AQR: variants seen among roughly 807,000 people sequenced by gnomAD.
The protein encoded by AQR is aquarius intron-binding spliceosomal factor, also known as RNA helicase aquarius.
AQR carries 61 observed loss-of-function variants against 180.5 expected under a neutral mutation model. The ratio of observed to expected loss-of-function variants is 0.34; its 90% CI spans 0.28 to 0.42. The LOEUF (loss-of-function observed/expected upper bound fraction) is 0.42. Among genes scored for constraint, AQR ranks in the 10% least tolerant of loss-of-function variants. The pLI is 1.00. For synonymous variants in AQR, 551 were observed against 588.8 expected, an observed-to-expected ratio of 0.94 and a Z score of 0.93; for missense variants, 1,281 against 1,798.3, an observed-to-expected ratio of 0.71 and a Z score of 5.20.
chr15:34,949,492 C>A (rs1348500418), intron 4 of AQR, among the ~76,000 whole-genome samples: 4 of 151,118 alleles, frequency 2.6e-5, no homozygotes, highest in Non-Finnish European at 4.4e-5. Flanking sequence ...GCCTATAGTC[C>A]CAGCTACTCA....
intron 11 of AQR, 38 bp downstream of exon 11, chr15:34,932,280 G>T: frequency 6.5e-7 from 1 of 1,532,412 alleles, no homozygotes; most frequent in Non-Finnish European, 9.0e-7. Flanking sequence ...AATTTAGAAA[G>T]TAAAACAATA....
At chr15:34,916,466 CAACA>C (rs1199126752) in intron 15 of AQR, among the ~76,000 whole-genome samples, 9 of 151,642 alleles carry the variant, frequency 5.9e-5, no homozygotes, top group East Asian at 1.9e-4. Flanking sequence ...AACTTAAATA[CAACA>C]AACATTGATG....
chr15:34,875,110 A>C (rs1389972007), intron 28 of AQR, among the ~76,000 whole-genome samples: 2 of 152,102 alleles, frequency 1.3e-5, no homozygotes, highest in Non-Finnish European at 2.9e-5. Flanking sequence ...GCATGGAATT[A>C]CCCTACTTTA....
chr15:34,895,252 A>C (rs1282207419), intron 22 of AQR, among the ~76,000 whole-genome samples: 16 of 138,720 alleles, frequency 1.2e-4, no homozygotes, highest in African/African-American at 4.2e-4. Flanking sequence ...ACTCAAAACT[A>C]TTCAAATAAC....
intron 23 of AQR, among the ~76,000 whole-genome samples, chr15:34,893,038 C>T (rs1449523569): frequency 6.6e-6 from 1 of 152,126 alleles, no homozygotes; most frequent in East Asian, 1.9e-4. Context: ...AAGGATAAAT[C>T]ATCTATTAAT....
chr15:34,949,794 TA>T lies in AQR; in HGVS notation c.210-1411del, dbSNP rs755539183. Among the ~76,000 whole-genome samples the T allele has an allele frequency of 3.6e-3, 410 of 114,150 alleles. 3 individuals carry two copies. The highest frequency in any genetic ancestry group is 5.9e-3 in the African/African-American group (186 of 31,402). The allele number at this position is 114,150 out of a possible 152,430, so 74.9% of individuals were successfully genotyped here. A position where few individuals can be genotyped will look rare whatever the true frequency, so the allele number is the denominator to read the frequency against. ...CAACATAGTGAGACCTTATCTCTAT[TA>T]AAAAAAAAAAAAAAAAAACCACTAG... On this transcript the variant is annotated intron_variant, in intron 4 of 34. Coordinates refer to ENST00000156471, the MANE Select transcript of AQR (RefSeq NM_014691.3).
At chr15:34,897,866 A>C (rs1294004427) in intron 20 of AQR, among the ~76,000 whole-genome samples, 161 bp from the exon 21 acceptor site, 1 of 152,232 alleles carries the variant, frequency 6.6e-6, no homozygotes, top group Non-Finnish European at 1.5e-5. Flanking sequence ...GTCGAGTTAC[A>C]AGCCCTAACG....
chr15:34,959,250 C>T (rs1894380100), intron 3 of AQR, among the ~76,000 whole-genome samples: 1 of 152,194 alleles, frequency 6.6e-6, no homozygotes, highest in Non-Finnish European at 1.5e-5. Flanking sequence ...GAACCCTTAA[C>T]CTCCTGGGCT....
intron 26 of AQR, among the ~76,000 whole-genome samples, chr15:34,884,178 G>A (rs892100098): frequency 3.3e-5 from 5 of 152,102 alleles, no homozygotes; most frequent in African/African-American, 4.8e-5. Context: ...AGGCAGAGGC[G>A]AGCAGATAAC....
At chr15:34,891,378 T>C (rs558645938) in intron 23 of AQR, among the ~76,000 whole-genome samples, 2 of 152,278 alleles carry the variant, frequency 1.3e-5, no homozygotes, top group South Asian at 2.1e-4. Context: ...AAAAACTACA[T>C]GATTTCATTG....
chr15:34,957,790 AC>A (rs541926168), intron 3 of AQR, among the ~76,000 whole-genome samples: 89 of 151,068 alleles, frequency 5.9e-4, no homozygotes, highest in African/African-American at 1.9e-3. Context: ...ACATAAAAAA[AC>A]ATAAAAAACA....
rs201648731 is a variant in AQR at position 34,884,768 on chromosome 15, C to T, written c.2818-34G>A. On this transcript the variant is annotated intron_variant, in intron 25 of 34. Transcript: ENST00000156471. ...AAAAGGACTTGAAGTTAACTGCCAGCTAATTATGATGTTTTAAAGCATAAA... is the reference window on the plus strand; with the variant it reads ...AAAAGGACTTGAAGTTAACTGCCAGTTAATTATGATGTTTTAAAGCATAAA... The T allele has an allele frequency of 1.5e-3, 2,225 of 1,471,132 alleles. 4 individuals carry two copies. The highest frequency in any genetic ancestry group is 2.4e-3 in the Middle Eastern group (12 of 4,934). 91.1% of individuals were successfully genotyped at this position (1,471,132 alleles called of 1,614,324 possible).
chr15:34,964,389 T>C (rs1363776544), intron 1 of AQR, 99 bp from the exon 2 acceptor site: 1 of 952,832 alleles, frequency 1.0e-6, no homozygotes, highest in Admixed American at 2.0e-5. Context: ...AACAAGGCCC[T>C]ACTCGGCACT....
In AQR at chr15:34,852,637, C is replaced by T. The variant is rs1046597140; in HGVS notation, c.*4155G>A. The T allele has an allele frequency of 3.3e-5, 5 of 152,032 alleles. No homozygotes were observed. The highest frequency in any genetic ancestry group is 1.2e-4 in the African/African-American group (5 of 41,424). The allele number at this position is 152,032 out of a possible 1,614,324, so 9.4% of individuals were successfully genotyped here. On this transcript the variant is annotated 3_prime_UTR_variant, in exon 35 of 35. Transcript: ENST00000156471. ...AAATGCTAGGTTAAACAAAGCTAAA[C>T]ATGATTCTTTCCAGTGGGACATCTG...
chr15:34,875,810 C>T (rs1892881749), intron 28 of AQR, 125 bp downstream of exon 28: 1 of 647,088 alleles, frequency 1.5e-6, no homozygotes, highest in South Asian at 2.7e-5. Flanking sequence ...GAATACCAAA[C>T]ATAATGAAGT....
chr15:34,904,283 A>G, intron 19 of AQR, 53 bp downstream of exon 19: 2 of 1,340,362 alleles, frequency 1.5e-6, no homozygotes, highest in South Asian at 1.7e-5. Context: ...TTTATGTCAT[A>G]AAAGTTACTT....
chr15:34,969,645 C>T lies in AQR; in HGVS notation c.-32G>A. The T allele has an allele frequency of 6.2e-7, 1 of 1,607,658 alleles. No individual in the cohort carries two copies. The highest frequency in any genetic ancestry group is 1.3e-5 in the African/African-American group (1 of 74,870). On this transcript the variant is annotated 5_prime_UTR_variant, in exon 1 of 35. Coordinates refer to ENST00000156471, the MANE Select transcript of AQR (RefSeq NM_014691.3). ...ACTCTTCCCTCCACTCCAGTGGAAA[C>T]TAAAGGACCGCTCTGGGCAGCGGCA...
chr15:34,902,479 C>T (rs762522877), intron 19 of AQR, among the ~76,000 whole-genome samples: 2 of 152,064 alleles, frequency 1.3e-5, no homozygotes, highest in African/African-American at 4.8e-5. Flanking sequence ...GGATCAGAAA[C>T]TAAATGCCTC....
In AQR at chr15:34,897,568, T is replaced by C; in HGVS notation, c.2381A>G (p.Gln794Arg). 6.2e-7 allele frequency: 1 copy of C among 1,614,072 alleles called. No homozygotes were observed. The highest frequency in any genetic ancestry group is 2.2e-5 in the East Asian group (1 of 44,864). The stretch of plus-strand genomic sequence containing the variant: ...TAGGTAGTAAAATTACCGTTTGGGT[T>C]GATTATAAGGATAAGGACCCCTATT... ...IPNRGPYPYN[Q>R]PKRNTIQFTH... is the part of the protein sequence containing the mutation. Residue 794 changes from glutamine to arginine, a missense_variant, in exon 21 of 35, where the codon CAA (glutamine) becomes CGA (arginine). This residue lies in a region of AQR where 112 missense variants were observed against 128.6 expected (regional missense o/e 0.87). Transcript: ENST00000156471.
Sources: gnomAD v4.1 joint callset for allele counts (sites outside exome capture counted in the v4.1 genomes callset) on GRCh38, gnomAD v4.1.1 for gene constraint, gnomAD v4.1.1 regional missense constraint, MANE v1.5 for transcripts, NCBI Gene and HGNC (gene_info 2026-07-23, HGNC 2026-07-21) for gene names.